PRKACB: variants seen among roughly 807,000 people sequenced by gnomAD.
The protein encoded by PRKACB is cAMP-dependent protein kinase catalytic subunit beta.
In PRKACB, 16 loss-of-function variants were observed where a neutral mutation model predicts 51.4. The ratio of observed to expected loss-of-function variants is 0.31; its 90% CI spans 0.21 to 0.47. The LOEUF (loss-of-function observed/expected upper bound fraction) is 0.47, where lower values mean the gene tolerates loss of function less well. PRKACB is among the 20% of genes least tolerant of loss of function. The pLI is 1.00. For missense variants in PRKACB, 309 were observed against 464.5 expected (o/e 0.67, Z 3.08); for synonymous variants, 147 against 154.4 (o/e 0.95, Z 0.35).
At chr1:84,085,942 C>T in intron 1 of PRKACB, 1 of 690,842 alleles carries the variant, frequency 1.4e-6, no homozygotes. Flanking sequence ...CCAGGATGGA[C>T]CTGACTTTCA....
intron 9 of PRKACB, among the ~76,000 whole-genome samples, chr1:84,214,871 A>G (rs151237321): frequency 6.6e-6 from 1 of 152,300 alleles, no homozygotes; most frequent in East Asian, 1.9e-4. Flanking sequence ...AATTTTTCCT[A>G]TCTATGCTTG....
chr1:84,178,514 GCTTTA>G (rs1001777209), intron 1 of PRKACB, among the ~76,000 whole-genome samples: 1 of 151,850 alleles, frequency 6.6e-6, no homozygotes, highest in African/African-American at 2.4e-5. Context: ...GTTTTGAATT[GCTTTA>G]CTTTAGTGCA....
chr1:84,105,404 T>C (rs931636428), intron 1 of PRKACB, among the ~76,000 whole-genome samples: 5 of 152,150 alleles, frequency 3.3e-5, no homozygotes, highest in Middle Eastern at 3.2e-3. Context: ...CATATCAAAC[T>C]ATTTTTCTCA....
intron 8 of PRKACB, among the ~76,000 whole-genome samples, chr1:84,203,382 T>C (rs189204744): frequency 6.3e-4 from 96 of 152,204 alleles, no homozygotes; most frequent in African/African-American, 2.2e-3. Context: ...TACTGTGTTG[T>C]AGTATTTTAC....
intron 8 of PRKACB, among the ~76,000 whole-genome samples, chr1:84,212,723 T>C (rs1403175946): frequency 6.6e-6 from 1 of 152,102 alleles, no homozygotes; most frequent in Non-Finnish European, 1.5e-5. Flanking sequence ...GTAAGTTCCA[T>C]GAAATCAGAG....
intron 9 of PRKACB, among the ~76,000 whole-genome samples, chr1:84,234,956 C>T (rs41301186): frequency 3.3e-4 from 50 of 152,266 alleles, no homozygotes; most frequent in African/African-American, 1.2e-3. Flanking sequence ...CCAGAAATTT[C>T]TTAAGTATTT....
intron 1 of PRKACB, among the ~76,000 whole-genome samples, chr1:84,078,792 C>T (rs1647294607): frequency 6.6e-6 from 1 of 152,170 alleles, no homozygotes; most frequent in African/African-American, 2.4e-5. Context: ...TCACTTGGGT[C>T]CGACCCAACC....
Position 84,107,828 on chromosome 1 carries a change from AAAAT to A in PRKACB, c.46+29460_46+29463del, listed in dbSNP as rs530681599. 1.6e-4 allele frequency among the ~76,000 whole-genome samples: 24 copies of A among 152,234 alleles called. No homozygotes were observed. In the East Asian group the frequency reaches 4.2e-3, roughly 27 times the overall value. The stretch of plus-strand genomic sequence containing the variant: ...AGAATGGCTATTATTAAAGAGTAAA[AAAAT>A]AACATGCTGACAAGCTTGCAGAGAA... On this transcript the variant is annotated intron_variant, in intron 1 of 8. Transcript: ENST00000370688.
intron 1 of PRKACB, among the ~76,000 whole-genome samples, chr1:84,165,591 GAAAT>G (rs1447132457): frequency 6.6e-6 from 1 of 151,570 alleles, no homozygotes; most frequent in Non-Finnish European, 1.5e-5. Context: ...GTTTTTGGGG[GAAAT>G]AATTTTTTAG....
chr1:84,205,193 G>T, intron 8 of PRKACB: 1 of 984,340 alleles, frequency 1.0e-6, no homozygotes, highest in Non-Finnish European at 1.2e-6. Context: ...CTCATCTAAA[G>T]TAGAAGTCAT....
intron 1 of PRKACB, among the ~76,000 whole-genome samples, chr1:84,093,025 C>T (rs1056751182): frequency 6.6e-6 from 1 of 151,784 alleles, no homozygotes; most frequent in Non-Finnish European, 1.5e-5. Flanking sequence ...TGTCTTCTTC[C>T]GTTTCATAGC....
chr1:84,139,875 G>A (rs1653223972), upstream of PRKACB, among the ~76,000 whole-genome samples: 1 of 152,058 alleles, frequency 6.6e-6, no homozygotes, highest in African/African-American at 2.4e-5. Context: ...TGGCTAACAC[G>A]GTGAAACTTT....
chr1:84,083,827 A>C (rs1246686191), intron 1 of PRKACB, among the ~76,000 whole-genome samples: 1 of 152,118 alleles, frequency 6.6e-6, no homozygotes, highest in Non-Finnish European at 1.5e-5. Flanking sequence ...TCTTACTTTT[A>C]AATGTATTCC....
chr1:84,184,208 C>A, intron 4 of PRKACB, 73 bp downstream of exon 4: 1 of 1,297,948 alleles, frequency 7.7e-7, no homozygotes. Context: ...TAAATGGATT[C>A]TAAACCAGAT....
intron 8 of PRKACB, among the ~76,000 whole-genome samples, chr1:84,213,351 G>A (rs1404866617): frequency 6.6e-6 from 1 of 152,104 alleles, no homozygotes; most frequent in Non-Finnish European, 1.5e-5. Flanking sequence ...CAATGAAACA[G>A]TAATAACCAG....
intron 1 of PRKACB, among the ~76,000 whole-genome samples, chr1:84,163,523 A>G (rs2100713930): frequency 6.6e-6 from 1 of 152,078 alleles, no homozygotes; most frequent in East Asian, 1.9e-4. Flanking sequence ...CCCTTCCAGA[A>G]GTGAAGCTGC....
intron 9 of PRKACB, among the ~76,000 whole-genome samples, chr1:84,233,599 G>A (rs1676129333): frequency 1.1e-4 from 12 of 113,500 alleles, no homozygotes; most frequent in African/African-American, 3.9e-4. Flanking sequence ...ATTTCTTGGA[G>A]GCTTTGCTCG....
chr1:84,220,073 TCATGAC>T (rs1270468056), intron 9 of PRKACB, among the ~76,000 whole-genome samples: 1 of 152,126 alleles, frequency 6.6e-6, no homozygotes, highest in East Asian at 1.9e-4. Flanking sequence ...TTTTTCTGAT[TCATGAC>T]CATGACCATG....
intron 1 of PRKACB, among the ~76,000 whole-genome samples, chr1:84,118,123 A>G (rs888116453): frequency 2.0e-5 from 3 of 152,162 alleles, no homozygotes; most frequent in African/African-American, 7.2e-5. Context: ...ACAGCAGTCC[A>G]TGGTAGAGAT....
Sources: allele counts gnomAD v4.1 joint callset (sites outside exome capture counted in the v4.1 genomes callset), GRCh38; gene constraint gnomAD v4.1.1; transcripts MANE v1.5; gene names NCBI Gene and HGNC (gene_info 2026-07-23, HGNC 2026-07-21).